LDB1: variants seen among roughly 807,000 people sequenced by gnomAD.
LDB1 encodes LIM domain-binding protein 1.
Under a neutral mutation model 49.7 loss-of-function variants are expected in LDB1, and 6 were observed. The observed-to-expected ratio is 0.12, with a 90% confidence interval of 0.07 to 0.24. The LOEUF (loss-of-function observed/expected upper bound fraction) is 0.24. Among genes scored for constraint, LDB1 ranks in the 10% least tolerant of loss-of-function variants. The pLI, the probability that LDB1 is intolerant of heterozygous loss-of-function variation, is 1.00. For synonymous variants in LDB1, 233 were observed against 202.0 expected (o/e 1.15, Z -1.30); for missense variants, 341 against 561.7 (o/e 0.61, Z 3.97).
At chr10:102,119,185 G>A (rs1033112837) in intron 1 of LDB1, among the ~76,000 whole-genome samples, 2 of 152,050 alleles carry the variant, frequency 1.3e-5, no homozygotes, top group Non-Finnish European at 2.9e-5. Context: ...CCAATTCCAG[G>A]ACCCAGAGTC....
Position 102,109,779 on chromosome 10 carries a change from G to T in LDB1, c.649-96C>A. On this transcript the variant is annotated intron_variant, in intron 7 of 10. Coordinates refer to ENST00000673968, the MANE Select transcript of LDB1 (RefSeq NM_001113407.3). This position sits in a 1 kb window ranked among gnomAD's most constrained non-coding sequence, Gnocchi z 5.8. ...GAGCATTGTGACACTCCTGAGAGAG[G>T]ATAGTCTCTTATTAAACCTGCTGTT... The T allele has an allele frequency of 6.5e-7, 1 of 1,535,846 alleles. No individual in the cohort carries two copies. The highest frequency in any genetic ancestry group is 1.1e-5 in the South Asian group (1 of 88,422).
chr10:102,113,876 CTATT>C (rs1639261057), intron 1 of LDB1, among the ~76,000 whole-genome samples: 1 of 152,190 alleles, frequency 6.6e-6, no homozygotes, highest in Admixed American at 6.5e-5. Context: ...CTCTGGGCCT[CTATT>C]TACACCTCCA....
chr10:102,120,388 CGCGTGTGCGTGT>C, upstream of LDB1: 1 of 984,260 alleles, frequency 1.0e-6, no homozygotes, highest in Non-Finnish European at 1.2e-6. Flanking sequence ...TGCGTGTGTG[CGCGTGTGCGTGT>C]GCGTGTCTGT....
chr10:102,111,691 T>C (rs554119352), intron 1 of LDB1, among the ~76,000 whole-genome samples, 155 bp from the exon 2 acceptor site: 62 of 152,166 alleles, frequency 4.1e-4, no homozygotes, highest in African/African-American at 1.4e-3. Flanking sequence ...TCTCTAAAAA[T>C]AATTGAAAAG....
At chr10:102,104,472 A>G (rs1254949435), downstream of LDB1, among the ~76,000 whole-genome samples, 4 of 152,126 alleles carry the variant, frequency 2.6e-5, no homozygotes, top group Non-Finnish European at 5.9e-5. Flanking sequence ...CTGGGCCCAC[A>G]TATGTACCTG....
rs570146070 is a variant in LDB1 at position 102,119,368 on chromosome 10, G to C, written c.25+718C>G. Among the ~76,000 whole-genome samples, 9 of 147,774 alleles carry C rather than the reference G, an allele frequency of 6.1e-5. No homozygotes were observed. In the East Asian group the frequency reaches 1.8e-3, roughly 29 times the overall value. On this transcript the variant is annotated intron_variant, in intron 1 of 10. Coordinates refer to ENST00000673968, the MANE Select transcript of LDB1 (RefSeq NM_001113407.3). Reference sequence around the variant, plus strand: ...TCCCTGGCAAGAGCTGATATGTTTTGGGGAGGCAGGGATCTGAGCCTGGGT... The same window carrying C: ...TCCCTGGCAAGAGCTGATATGTTTTCGGGAGGCAGGGATCTGAGCCTGGGT...
In LDB1 at chr10:102,111,421, G is replaced by C; in HGVS notation, c.128+13C>G. 1 of 1,598,596 alleles carries C rather than the reference G, an allele frequency of 6.3e-7. No homozygotes were observed. The highest frequency in any genetic ancestry group is 8.5e-7 in the Non-Finnish European group (1 of 1,169,868). On this transcript the variant is annotated intron_variant, in intron 2 of 10. Transcript: ENST00000673968. ...TGGAGAAGGGTTAGGAAGTGGCCAAGAGACTCACTTACCCCACATCCCTAT... is the reference window on the plus strand; with the variant it reads ...TGGAGAAGGGTTAGGAAGTGGCCAACAGACTCACTTACCCCACATCCCTAT...
At chr10:102,120,654 G>T (rs990551986), upstream of LDB1, among the ~76,000 whole-genome samples, 1 of 152,176 alleles carries the variant, frequency 6.6e-6, no homozygotes, top group Non-Finnish European at 1.5e-5. Flanking sequence ...GGAACGGCAT[G>T]CATGTGACGC....
At chr10:102,114,812 G>GGGGGGCCCCCCCCCCCCCCCCC in intron 1 of LDB1, 46 of 929,808 alleles carry the variant, frequency 4.9e-5, no homozygotes, top group South Asian at 9.9e-5. Context: ...CCTCCGAGCA[G>GGGGGGCCCCCCCCCCCCCCCCC]CCCGCCCGCC....
At chr10:102,115,132 C>CGTCT (rs1425470723) in intron 1 of LDB1, among the ~76,000 whole-genome samples, 4 of 152,104 alleles carry the variant, frequency 2.6e-5, no homozygotes, top group Non-Finnish European at 4.4e-5. Context: ...AAAAGAGAGA[C>CGTCT]AGAGACTGGG....
Position 102,110,317 on chromosome 10 carries a change from T to G in LDB1, c.525+212A>C, listed in dbSNP as rs1176219336. ...TGCTCTAAGCTATATGAGGGCAGAC[T>G]CTTGTTCACTCGTGTAGCCTTGGGG... is the stretch of plus-strand genomic sequence containing the variant. On this transcript the variant is annotated intron_variant, in intron 6 of 10. Coordinates refer to ENST00000673968, the MANE Select transcript of LDB1 (RefSeq NM_001113407.3). 4 of 630,822 alleles carry G rather than the reference T, an allele frequency of 6.3e-6. No homozygotes were observed. In the African/African-American group the frequency reaches 7.4e-5, roughly 12 times the overall value. 39.1% of individuals were successfully genotyped at this position (630,822 alleles called of 1,614,324 possible).
chr10:102,120,837 G>A (rs2068411276), upstream of LDB1, among the ~76,000 whole-genome samples: 1 of 152,100 alleles, frequency 6.6e-6, no homozygotes, highest in Non-Finnish European at 1.5e-5. Context: ...GGTGGGCAGT[G>A]TGGTGTATCT....
intron 1 of LDB1, among the ~76,000 whole-genome samples, chr10:102,116,426 C>T (rs1352613078): frequency 6.6e-6 from 1 of 152,146 alleles, no homozygotes; most frequent in Non-Finnish European, 1.5e-5. Context: ...GGTGATCCAC[C>T]CACCTTGGCC....
chr10:102,112,194 C>T (rs1388287048), intron 1 of LDB1, among the ~76,000 whole-genome samples: 2 of 152,148 alleles, frequency 1.3e-5, no homozygotes, highest in Non-Finnish European at 2.9e-5. Flanking sequence ...TGATAAACCC[C>T]CTTTTAATCT....
rs1240290283 is a variant in LDB1, at chr10:102,117,174, A to G, written c.25+2912T>C. Among the ~76,000 whole-genome samples, 1 of 152,038 alleles carries G rather than the reference A, an allele frequency of 6.6e-6. No individual in the cohort carries two copies. Among genetic ancestry groups the G allele is most frequent in the Non-Finnish European group, 1.5e-5 (1 of 68,010 alleles). On this transcript the variant is annotated intron_variant, in intron 1 of 10. Transcript: ENST00000673968. The surrounding 1 kb of genome is among the most constrained non-coding windows in gnomAD (Gnocchi z 4.2). Reference sequence around the variant, plus strand: ...CCTCCAGCCCAGAGCTCAGAACCCCACACCCACCCTGTCTCCTCAGACAGG... The same window carrying G: ...CCTCCAGCCCAGAGCTCAGAACCCCGCACCCACCCTGTCTCCTCAGACAGG...
At chr10:102,119,706 G>T (rs1472029904) in intron 1 of LDB1, among the ~76,000 whole-genome samples, 1 of 144,184 alleles carries the variant, frequency 6.9e-6, no homozygotes, top group Non-Finnish European at 1.5e-5. Flanking sequence ...GGGAAGGGGG[G>T]GCAGCCCAAA....
Position 102,111,422 on chromosome 10 carries a change from A to C in LDB1, c.128+12T>G. 6.3e-7 allele frequency: 1 copy of C among 1,597,584 alleles called. No individual in the cohort carries two copies. Among genetic ancestry groups the C allele is most frequent in the South Asian group, 1.1e-5 (1 of 88,986 alleles). On this transcript the variant is annotated intron_variant, in intron 2 of 10. Coordinates refer to ENST00000673968, the MANE Select transcript of LDB1 (RefSeq NM_001113407.3). ...GGAGAAGGGTTAGGAAGTGGCCAAG[A>C]GACTCACTTACCCCACATCCCTATC...
Position 102,111,282 on chromosome 10 carries a change from C to T in LDB1, c.147G>A (p.Pro49=), listed in dbSNP as rs1433707603. 8 of 1,613,882 alleles carry T rather than the reference C, an allele frequency of 5.0e-6. No homozygotes were observed. Among genetic ancestry groups the T allele is most frequent in the African/African-American group, 2.7e-5 (2 of 74,866 alleles). ...CAATCCCTGGCTCCAGGTATGTAGG[C>T]GGATACATGGGAGTTGGGCTGTGTA... ...DRDVGPTPMY[P]PTYLEPGIGR... Residue 49 remains proline, a synonymous_variant, in exon 3 of 11, where the codon CCG becomes CCA. Transcript: ENST00000673968.
Position 102,109,742 on chromosome 10 carries a change from G to T in LDB1, c.649-59C>A. On this transcript the variant is annotated intron_variant, in intron 7 of 10. Coordinates refer to ENST00000673968, the MANE Select transcript of LDB1 (RefSeq NM_001113407.3). This position sits in a 1 kb window ranked among gnomAD's most constrained non-coding sequence, Gnocchi z 5.8. ...ACACCTGGGTTGCCTCTGCTCACCT[G>T]CCCTATCATCTGAGCATTGTGACAC... 1.3e-6 allele frequency: 2 copies of T among 1,568,760 alleles called. No individual in the cohort carries two copies. Among genetic ancestry groups the T allele is most frequent in the Non-Finnish European group, 1.8e-6 (2 of 1,139,396 alleles).
Sources: allele counts gnomAD v4.1 joint callset (sites outside exome capture counted in the v4.1 genomes callset), GRCh38; gene constraint gnomAD v4.1.1; non-coding constraint Gnocchi (gnomAD v3.1); transcripts MANE v1.5; gene names NCBI Gene and HGNC (gene_info 2026-07-23, HGNC 2026-07-21).